The following CACNA2D3 variants were observed in gnomAD, a reference collection of about 807,000 sequenced individuals.
The protein encoded by CACNA2D3 is voltage-dependent calcium channel subunit alpha-2/delta-3.
In CACNA2D3, 60 loss-of-function variants were observed where a neutral mutation model predicts 160.6. The observed-to-expected ratio is 0.37, with a 90% CI of 0.30 to 0.46. The LOEUF is 0.46. Ranked by LOEUF, CACNA2D3 falls within the 20% of genes least tolerant of loss-of-function variation. The pLI, the probability that CACNA2D3 is intolerant of heterozygous loss-of-function variation, is 1.00. For missense variants in CACNA2D3, 1,205 were observed against 1,365.0 expected (o/e 0.88, Z 1.85); for synonymous variants, 558 against 492.9 (o/e 1.13, Z -1.75).
At chr3:54,284,301 A>G (rs190029039) in intron 2 of CACNA2D3, among the ~76,000 whole-genome samples, 1 of 151,516 alleles carries the variant, frequency 6.6e-6, no homozygotes, top group Non-Finnish European at 1.5e-5. Context: ...TAAAAAAATT[A>G]AAAAAATTAA....
At chr3:54,646,184 C>CTGCTTGCTTGCT (rs1699642192) in intron 11 of CACNA2D3, among the ~76,000 whole-genome samples, 1 of 14,886 alleles carries the variant, frequency 6.7e-5, no homozygotes, top group African/African-American at 2.1e-4. Context: ...CCCTCCCTCC[C>CTGCTTGCTTGCT]TCCTTCCTTG....
intron 29 of CACNA2D3, among the ~76,000 whole-genome samples, chr3:54,976,056 TAC>T (rs3841944): frequency 0.16 from 23,068 of 144,616 alleles, 2,484 homozygotes; most frequent in African/African-American, 0.32. Context: ...TAGATATAGA[TAC>T]ACACACACAC....
chr3:54,785,796 A>G (rs1702629772), intron 13 of CACNA2D3, among the ~76,000 whole-genome samples: 3 of 152,166 alleles, frequency 2.0e-5, no homozygotes, highest in African/African-American at 2.4e-5. Context: ...GGCAAACACC[A>G]TGTCACTGGG....
At chr3:54,146,827 G>T (rs1020952668) in intron 2 of CACNA2D3, among the ~76,000 whole-genome samples, 1 of 152,250 alleles carries the variant, frequency 6.6e-6, no homozygotes, top group African/African-American at 2.4e-5. Context: ...CTTTGTCACA[G>T]GGTGGCAGCA....
chr3:54,147,897 C>G (rs1700066540), intron 2 of CACNA2D3, among the ~76,000 whole-genome samples: 1 of 152,226 alleles, frequency 6.6e-6, no homozygotes. Context: ...ACCTCCGCCT[C>G]CTGGGTTCAA....
intron 2 of CACNA2D3, among the ~76,000 whole-genome samples, chr3:54,133,299 C>G (rs721764): frequency 6.6e-6 from 1 of 151,974 alleles, no homozygotes; most frequent in Non-Finnish European, 1.5e-5. Context: ...GATGCAGAAA[C>G]GTCTTTAACA....
chr3:54,317,682 C>A (rs1043125721), intron 2 of CACNA2D3, among the ~76,000 whole-genome samples: 2 of 152,112 alleles, frequency 1.3e-5, no homozygotes, highest in Non-Finnish European at 2.9e-5. Context: ...GGATTACAGG[C>A]GCCCACCACC....
chr3:54,673,512 C>A (rs921337407), intron 11 of CACNA2D3, among the ~76,000 whole-genome samples: 1 of 152,132 alleles, frequency 6.6e-6, no homozygotes, highest in African/African-American at 2.4e-5. Context: ...TTTCAGGATC[C>A]ATTTTTCTCT....
intron 17 of CACNA2D3, among the ~76,000 whole-genome samples, chr3:54,849,224 G>T (rs955928904): frequency 6.6e-6 from 1 of 152,138 alleles, no homozygotes; most frequent in South Asian, 2.1e-4. Context: ...AGAAACCAAG[G>T]TTGTTTGTTT....
intron 13 of CACNA2D3, among the ~76,000 whole-genome samples, chr3:54,788,369 C>T (rs1467676165): frequency 1.3e-5 from 2 of 152,088 alleles, no homozygotes; most frequent in Admixed American, 6.6e-5. Flanking sequence ...ACCACCAGTC[C>T]GTGACTAAGT....
intron 2 of CACNA2D3, among the ~76,000 whole-genome samples, chr3:54,267,923 G>A (rs1702550980): frequency 6.6e-6 from 1 of 152,172 alleles, no homozygotes; most frequent in South Asian, 2.1e-4. Flanking sequence ...TTTCAGCCTG[G>A]AAGCATGTGA....
intron 13 of CACNA2D3, among the ~76,000 whole-genome samples, chr3:54,804,362 T>A (rs1336660280): frequency 1.3e-5 from 2 of 151,954 alleles, no homozygotes; most frequent in South Asian, 2.1e-4. Context: ...TGGAGGAAGA[T>A]CTACCAAGCA....
At chr3:54,833,687 C>T (rs1490361696) in intron 14 of CACNA2D3, among the ~76,000 whole-genome samples, 1 of 152,132 alleles carries the variant, frequency 6.6e-6, no homozygotes, top group Non-Finnish European at 1.5e-5. Flanking sequence ...AATGAACTTG[C>T]AAATTGATGT....
intron 11 of CACNA2D3, among the ~76,000 whole-genome samples, chr3:54,652,122 A>T (rs947833514): frequency 6.6e-6 from 1 of 151,688 alleles, no homozygotes; most frequent in Non-Finnish European, 1.5e-5. Context: ...CACAAAATAA[A>T]TGCTCCACCC....
intron 5 of CACNA2D3, among the ~76,000 whole-genome samples, chr3:54,551,916 A>G (rs965507243): frequency 1.3e-5 from 2 of 152,218 alleles, no homozygotes; most frequent in African/African-American, 4.8e-5. Flanking sequence ...GCATTTTGTT[A>G]GAATGGAAAG....
chr3:54,322,596 G>C (rs1353792984), intron 3 of CACNA2D3, among the ~76,000 whole-genome samples: 1 of 152,200 alleles, frequency 6.6e-6, no homozygotes, highest in African/African-American at 2.4e-5. Context: ...CTCTGTATCT[G>C]TGTAAGGTGT....
At chr3:54,443,376 C>T (rs1700172835) in intron 4 of CACNA2D3, among the ~76,000 whole-genome samples, 1 of 152,178 alleles carries the variant, frequency 6.6e-6, no homozygotes, top group Non-Finnish European at 1.5e-5. Context: ...GCAAAATTCA[C>T]TTTAGGCAGC....
intron 4 of CACNA2D3, among the ~76,000 whole-genome samples, chr3:54,443,077 C>T (rs1425669717): frequency 2.0e-5 from 3 of 152,122 alleles, no homozygotes; most frequent in Admixed American, 6.5e-5. Flanking sequence ...ACTGGAAACT[C>T]CTGGCTCACA....
At chr3:54,979,794 T>C (rs939546558) in intron 29 of CACNA2D3, among the ~76,000 whole-genome samples, 7 of 152,104 alleles carry the variant, frequency 4.6e-5, no homozygotes, top group African/African-American at 1.4e-4. Context: ...TCAATAGCAC[T>C]GTCAGAGTTC....
Sources: gnomAD v4.1 joint callset for allele counts (sites outside exome capture counted in the v4.1 genomes callset) on GRCh38, gnomAD v4.1.1 for gene constraint, MANE v1.5 for transcripts, NCBI Gene and HGNC (gene_info 2026-07-23, HGNC 2026-07-21) for gene names.